The following FBN1 variants were observed in gnomAD, a reference collection of about 807,000 sequenced individuals.
The protein encoded by FBN1 is fibrillin 1.
Under a neutral mutation model 365.1 loss-of-function variants are expected in FBN1, and 29 were observed. That is an observed-to-expected ratio of 0.08 (90% CI 0.06 to 0.11). The LOEUF is 0.11. Among genes scored for constraint, FBN1 ranks in the 10% least tolerant of loss-of-function variants. The pLI is 1.00. For synonymous variants in FBN1, 1,210 were observed against 1,270.5 expected (o/e 0.95, Z 1.01); for missense variants, 2,476 against 3,703.2 (o/e 0.67, Z 8.60).
chr15:48,474,376 A>G lies in FBN1; in HGVS notation c.4089T>C (p.Asp1363=), dbSNP rs751099175. ...GWIGDGIKCT[D]LDECSNGTHM... is the part of the protein sequence containing the mutation. ...GGGTTCCATTGGAACATTCGTCCAG[A>G]TCTTATAGAAAAAGGTTATATCATT... Residue 1363 remains aspartate, a splice_region_variant and synonymous_variant, in exon 34 of 66, where the codon GAT becomes GAC. Transcript: ENST00000316623. The G allele has an allele frequency of 4.3e-6, 7 of 1,614,058 alleles. No individual in the cohort carries two copies. The Admixed American group carries it at 1.2e-4, about 27-fold the overall frequency.
chr15:48,613,655 C>T (rs552758872), intron 2 of FBN1, among the ~76,000 whole-genome samples: 7 of 152,248 alleles, frequency 4.6e-5, no homozygotes, highest in African/African-American at 1.2e-4. Flanking sequence ...AGGCCAGGCG[C>T]GGTGGCTCAC....
At chr15:48,486,780 T>C (rs923243533) in intron 29 of FBN1, among the ~76,000 whole-genome samples, 7 of 152,188 alleles carry the variant, frequency 4.6e-5, no homozygotes, top group African/African-American at 1.4e-4. Flanking sequence ...TACTGTTCCC[T>C]ATCCAAACGG....
At chr15:48,600,672 T>C (rs1193093541) in intron 4 of FBN1, among the ~76,000 whole-genome samples, 3 of 152,166 alleles carry the variant, frequency 2.0e-5, no homozygotes, top group African/African-American at 7.2e-5. Context: ...ACCACTGTAC[T>C]CCAGCCTGAG....
chr15:48,508,478 T>C, intron 15 of FBN1, 104 bp downstream of exon 15: 2 of 1,508,162 alleles, frequency 1.3e-6, no homozygotes, highest in African/African-American at 1.4e-5. Context: ...AAATTCAAGG[T>C]ACTTTAAGTG....
At position 48,502,274 on chromosome 15, in the gene FBN1, A is replaced by T. The variant is rs1214313991; in HGVS notation, c.2113+1513T>A. 2.0e-5 allele frequency among the ~76,000 whole-genome samples: 3 copies of T among 152,122 alleles called. No individual in the cohort carries two copies. In the East Asian group the frequency reaches 5.8e-4, roughly 29 times the overall value. Reference sequence around the variant, plus strand: ...TCAGCCAAGCTGGTCTTGAACTCCTAACCTCAAGTGATACACCTGCCTTGG... The same window carrying T: ...TCAGCCAAGCTGGTCTTGAACTCCTTACCTCAAGTGATACACCTGCCTTGG... On this transcript the variant is annotated intron_variant, in intron 17 of 65. Coordinates refer to ENST00000316623, the MANE Select transcript of FBN1 (RefSeq NM_000138.5).
chr15:48,602,152 A>G lies in FBN1; in HGVS notation c.347-1918T>C, dbSNP rs1442370431. 3.3e-5 allele frequency among the ~76,000 whole-genome samples: 5 copies of G among 151,966 alleles called. No homozygotes were observed. In the East Asian group the frequency reaches 9.7e-4, roughly 29 times the overall value. ...TCCTAAACCCCAACACAACACACACACAGTTCTCCCCCAAACCTGAAATCC... is the reference window on the plus strand; with the variant it reads ...TCCTAAACCCCAACACAACACACACGCAGTTCTCCCCCAAACCTGAAATCC... On this transcript the variant is annotated intron_variant, in intron 4 of 65. Transcript: ENST00000316623.
Position 48,412,752 on chromosome 15 carries a change from G to C in FBN1, c.8052-9C>G. The stretch of plus-strand genomic sequence containing the variant: ...TTCCAGAAACACAGTGCCTGCAGCA[G>C]AAGGGGAGCATAGATGTTTTTCATT... On this transcript the variant is annotated splice_polypyrimidine_tract_variant and intron_variant, in intron 64 of 65. Transcript: ENST00000316623. 6.2e-7 allele frequency: 1 copy of C among 1,614,026 alleles called. No homozygotes were observed. Among genetic ancestry groups the C allele is most frequent in the African/African-American group, 1.3e-5 (1 of 75,068 alleles).
intron 32 of FBN1, among the ~76,000 whole-genome samples, chr15:48,481,396 A>G (rs930415702): frequency 1.3e-5 from 2 of 152,196 alleles, no homozygotes; most frequent in African/African-American, 4.8e-5. Context: ...TTAACCTCAT[A>G]AAAATGTGCT....
intron 6 of FBN1, among the ~76,000 whole-genome samples, chr15:48,591,095 G>A (rs1214898743): frequency 1.3e-5 from 2 of 152,162 alleles, no homozygotes; most frequent in African/African-American, 4.8e-5. Context: ...TTCATCCTCT[G>A]GCTCACATAA....
chr15:48,533,468 T>C (rs531011301), intron 8 of FBN1, among the ~76,000 whole-genome samples: 2 of 152,346 alleles, frequency 1.3e-5, no homozygotes, highest in African/African-American at 2.4e-5. Flanking sequence ...GTGGTGACTA[T>C]AAACACATCC....
intron 22 of FBN1, 34 bp from the exon 23 acceptor site, chr15:48,494,288 A>G (rs1375328963): frequency 6.5e-7 from 1 of 1,543,088 alleles, no homozygotes; most frequent in South Asian, 1.1e-5. Context: ...AACAGAAAAC[A>G]AATTTGAGAT....
rs2043992368 is a variant in FBN1, at chr15:48,533,935, A to G, written c.862+145T>C. On this transcript the variant is annotated intron_variant, in intron 8 of 65. Transcript: ENST00000316623. ...TCCAATAGCACAAAGGCATATTATT[A>G]CTGTTAAAAATATTATATTTACACA... 5 of 1,219,090 alleles carry G rather than the reference A, an allele frequency of 4.1e-6. No homozygotes were observed. In the Admixed American group the frequency reaches 6.9e-5, roughly 17 times the overall value. The allele number at this position is 1,219,090 out of a possible 1,614,324, so 75.5% of individuals were successfully genotyped here.
intron 7 of FBN1, among the ~76,000 whole-genome samples, chr15:48,536,984 G>T (rs778520695): frequency 6.6e-6 from 1 of 152,098 alleles, no homozygotes; most frequent in Non-Finnish European, 1.5e-5. Context: ...CCTGTTTCCT[G>T]CCAGACATCC....
Position 48,441,709 on chromosome 15 carries a change from A to G in FBN1, c.6163+12T>C. On this transcript the variant is annotated intron_variant, in intron 50 of 65. Transcript: ENST00000316623. ...GCAGCATTGAAAGCCCAAAGCCTTC[A>G]AAGACACTTACCTTGGCACCTTCTT... is the stretch of plus-strand genomic sequence containing the variant. 6 of 1,613,402 alleles carry G rather than the reference A, an allele frequency of 3.7e-6. No homozygotes were observed. The highest frequency in any genetic ancestry group is 5.1e-6 in the Non-Finnish European group (6 of 1,179,554).
At chr15:48,506,469 T>A (rs2043708614) in intron 15 of FBN1, among the ~76,000 whole-genome samples, 1 of 152,238 alleles carries the variant, frequency 6.6e-6, no homozygotes, top group Admixed American at 6.5e-5. Flanking sequence ...TCAAATTGGT[T>A]AGTTATTCTG....
intron 63 of FBN1, among the ~76,000 whole-genome samples, chr15:48,420,176 G>T (rs980778775): frequency 1.1e-4 from 17 of 149,830 alleles, no homozygotes; most frequent in African/African-American, 4.2e-4. Context: ...ATTATCAAAA[G>T]AATTTAGCAA....
intron 57 of FBN1, chr15:48,428,022 C>T: frequency 1.5e-6 from 1 of 679,100 alleles, no homozygotes; most frequent in Non-Finnish European, 2.7e-6. Context: ...TCTCTGCTCC[C>T]AGAAATACAG....
intron 2 of FBN1, among the ~76,000 whole-genome samples, chr15:48,615,095 T>C (rs1187310803): frequency 6.6e-6 from 1 of 152,070 alleles, no homozygotes; most frequent in Non-Finnish European, 1.5e-5. Flanking sequence ...TCCAAACTTT[T>C]ATTATAAAAG....
intron 30 of FBN1, 75 bp from the exon 31 acceptor site, chr15:48,484,018 C>T (rs974044300): frequency 3.7e-5 from 55 of 1,492,124 alleles, no homozygotes; most frequent in Middle Eastern, 1.7e-4. Flanking sequence ...ATTAACTGAC[C>T]GCAGTCAAAT....
Sources: allele counts gnomAD v4.1 joint callset (sites outside exome capture counted in the v4.1 genomes callset), GRCh38; gene constraint gnomAD v4.1.1; transcripts MANE v1.5; gene names NCBI Gene and HGNC (gene_info 2026-07-23, HGNC 2026-07-21).